The following GRIK2 variants were observed in gnomAD, a reference collection of about 807,000 sequenced individuals.
GRIK2 encodes glutamate receptor ionotropic, kainate 2.
GRIK2 carries 32 observed loss-of-function variants against 100.3 expected under a neutral mutation model. The observed-to-expected ratio is 0.32, with a 90% CI of 0.24 to 0.43. The LOEUF (loss-of-function observed/expected upper bound fraction) is 0.43. GRIK2 is among the 20% of genes least tolerant of loss of function. The pLI, the probability that GRIK2 is intolerant of heterozygous loss-of-function variation, is 1.00. For synonymous variants in GRIK2, 417 were observed against 389.4 expected (o/e 1.07, Z -0.83); for missense variants, 843 against 1,114.9 (o/e 0.76, Z 3.47).
intron 2 of GRIK2, among the ~76,000 whole-genome samples, chr6:101,566,488 T>TA (rs576281439): frequency 6.8e-6 from 1 of 147,952 alleles, no homozygotes; most frequent in Admixed American, 6.6e-5. Context: ...TCTAAATATT[T>TA]AAAAAAGAGT....
intron 12 of GRIK2, among the ~76,000 whole-genome samples, chr6:101,907,256 CAAG>C (rs138124053): frequency 0.093 from 14,107 of 151,440 alleles, 819 homozygotes; most frequent in Middle Eastern, 0.2. Flanking sequence ...AGTGGAATAA[CAAG>C]AATAGTTTAT....
At chr6:101,794,743 A>G (rs1780170265) in intron 7 of GRIK2, among the ~76,000 whole-genome samples, 1 of 148,738 alleles carries the variant, frequency 6.7e-6, no homozygotes, top group Non-Finnish European at 1.5e-5. Flanking sequence ...TTCACTGAAT[A>G]TTTTGCTGAA....
chr6:101,630,867 C>T (rs1780707431), intron 4 of GRIK2, among the ~76,000 whole-genome samples: 1 of 151,612 alleles, frequency 6.6e-6, no homozygotes, highest in African/African-American at 2.4e-5. Flanking sequence ...TACATATTTC[C>T]TTTTTCCTTT....
chr6:101,854,649 A>AT (rs1313421926), intron 10 of GRIK2, among the ~76,000 whole-genome samples: 1 of 152,142 alleles, frequency 6.6e-6, no homozygotes, highest in Non-Finnish European at 1.5e-5. Context: ...TTTTGCCAGG[A>AT]TTTTTTTAAT....
chr6:101,728,525 G>C (rs1775029498), intron 7 of GRIK2, among the ~76,000 whole-genome samples: 1 of 152,024 alleles, frequency 6.6e-6, no homozygotes, highest in Non-Finnish European at 1.5e-5. Context: ...TAACTTAATA[G>C]AGTGGTTGAA....
At chr6:101,596,947 A>C (rs1342105471) in intron 2 of GRIK2, among the ~76,000 whole-genome samples, 1 of 151,794 alleles carries the variant, frequency 6.6e-6, no homozygotes, top group Non-Finnish European at 1.5e-5. Flanking sequence ...CTTATATGTT[A>C]ATCACAGCAG....
intron 2 of GRIK2, among the ~76,000 whole-genome samples, chr6:101,524,403 T>A (rs1775042174): frequency 6.6e-6 from 1 of 151,948 alleles, no homozygotes; most frequent in Admixed American, 6.6e-5. Flanking sequence ...TATATATATA[T>A]ATCAATCACA....
chr6:101,797,844 T>A (rs1286459196), intron 7 of GRIK2, among the ~76,000 whole-genome samples: 3 of 148,308 alleles, frequency 2.0e-5, no homozygotes, highest in Non-Finnish European at 4.5e-5. Flanking sequence ...TTTATACATT[T>A]ATATATATAA....
At chr6:101,932,436 A>C (rs116350279) in intron 14 of GRIK2, among the ~76,000 whole-genome samples, 1 of 151,464 alleles carries the variant, frequency 6.6e-6, no homozygotes, top group Non-Finnish European at 1.5e-5. Context: ...ATCCCCATCC[A>C]CCTCTACCAA....
At chr6:101,919,221 T>A (rs1377363487) in intron 12 of GRIK2, among the ~76,000 whole-genome samples, 1 of 151,696 alleles carries the variant, frequency 6.6e-6, no homozygotes, top group Non-Finnish European at 1.5e-5. Flanking sequence ...ATGAGGATAG[T>A]TTTACAAGAC....
At chr6:101,677,236 C>T (rs893678516) in intron 5 of GRIK2, among the ~76,000 whole-genome samples, 2 of 152,078 alleles carry the variant, frequency 1.3e-5, no homozygotes, top group Non-Finnish European at 2.9e-5. Flanking sequence ...CTTATTTCAT[C>T]ATCACTACAA....
intron 12 of GRIK2, among the ~76,000 whole-genome samples, chr6:101,922,110 T>C (rs186182128): frequency 0.025 from 460 of 18,476 alleles, 5 homozygotes; most frequent in South Asian, 0.048. Flanking sequence ...CTTCCTTCCT[T>C]CCTTCCTTCC....
chr6:102,061,519 A>AATT (rs545781104), intron 16 of GRIK2, among the ~76,000 whole-genome samples: 39 of 150,594 alleles, frequency 2.6e-4, no homozygotes, highest in Non-Finnish European at 5.2e-4. Context: ...TAGGAGTTTG[A>AATT]ATTAGATAAA....
At chr6:101,712,549 G>A (rs144189553) in intron 7 of GRIK2, among the ~76,000 whole-genome samples, 1 of 151,898 alleles carries the variant, frequency 6.6e-6, no homozygotes, top group Non-Finnish European at 1.5e-5. Context: ...ACTCCAAAGA[G>A]TGAACTATGC....
At chr6:101,775,239 G>C (rs1699842565) in intron 7 of GRIK2, among the ~76,000 whole-genome samples, 1 of 152,096 alleles carries the variant, frequency 6.6e-6, no homozygotes, top group South Asian at 2.1e-4. Context: ...TTCAGCTTAA[G>C]CCAGAGAGCA....
At chr6:101,988,386 G>A (rs988923341) in intron 14 of GRIK2, among the ~76,000 whole-genome samples, 5 of 151,742 alleles carry the variant, frequency 3.3e-5, no homozygotes, top group African/African-American at 1.2e-4. Flanking sequence ...AAGATATATA[G>A]CATTGTAATA....
chr6:101,614,297 C>A (rs73761365), intron 2 of GRIK2, among the ~76,000 whole-genome samples: 1 of 151,538 alleles, frequency 6.6e-6, no homozygotes, highest in Non-Finnish European at 1.5e-5. Flanking sequence ...CTTTTCCCCC[C>A]AAACTTTTAT....
At chr6:101,514,082 A>C (rs1774458011) in intron 2 of GRIK2, among the ~76,000 whole-genome samples, 1 of 152,170 alleles carries the variant, frequency 6.6e-6, no homozygotes, top group South Asian at 2.1e-4. Flanking sequence ...CACAGCCCTA[A>C]GTAGAGATTA....
At chr6:101,777,366 TTGTC>T (rs562908472) in intron 7 of GRIK2, among the ~76,000 whole-genome samples, 53 of 152,262 alleles carry the variant, frequency 3.5e-4, no homozygotes, top group Non-Finnish European at 4.6e-4. Context: ...GGGTGGGCGA[TTGTC>T]TGTCCCATTT....
Sources: gnomAD v4.1 joint callset for allele counts (sites outside exome capture counted in the v4.1 genomes callset) on GRCh38, gnomAD v4.1.1 for gene constraint, MANE v1.5 for transcripts, NCBI Gene and HGNC (gene_info 2026-07-23, HGNC 2026-07-21) for gene names.